POU6F2: variants seen among roughly 807,000 people sequenced by gnomAD.
The protein encoded by POU6F2 is POU domain, class 6, transcription factor 2.
Under a neutral mutation model 71.3 loss-of-function variants are expected in POU6F2, and 31 were observed. The ratio of observed to expected loss-of-function variants is 0.43; its 90% CI spans 0.33 to 0.59. POU6F2 has a LOEUF of 0.59. POU6F2 is among the 20% of genes least tolerant of loss of function. The pLI, the probability that POU6F2 is intolerant of heterozygous loss-of-function variation, is 0.04. For missense variants in POU6F2, 783 were observed against 856.8 expected (o/e 0.91, Z 1.07); for synonymous variants, 347 against 355.7 (o/e 0.98, Z 0.27).
At chr7:39,185,749 G>C (rs1370603143) in intron 2 of POU6F2, among the ~76,000 whole-genome samples, 1 of 151,352 alleles carries the variant, frequency 6.6e-6, no homozygotes, top group African/African-American at 2.4e-5. Flanking sequence ...AAATATTTTT[G>C]GGAATTAGTA....
intron 4 of POU6F2, among the ~76,000 whole-genome samples, chr7:39,257,361 T>C (rs902304487): frequency 1.3e-5 from 2 of 148,792 alleles, no homozygotes; most frequent in Non-Finnish European, 3.0e-5. Flanking sequence ...AATTATTTAA[T>C]ATGCCTTAGA....
intron 5 of POU6F2, among the ~76,000 whole-genome samples, chr7:39,391,766 A>C (rs1308182452): frequency 6.6e-6 from 1 of 152,228 alleles, no homozygotes; most frequent in Admixed American, 6.5e-5. Flanking sequence ...CTTTGCTATA[A>C]CCTTGAAAGC....
At chr7:39,079,438 A>T (rs999760223) in intron 1 of POU6F2, among the ~76,000 whole-genome samples, 1 of 151,902 alleles carries the variant, frequency 6.6e-6, no homozygotes, top group Non-Finnish European at 1.5e-5. Context: ...AGGCCTCCCA[A>T]AGTGCTGGGA....
chr7:39,415,838 T>C (rs1364759056), intron 6 of POU6F2, among the ~76,000 whole-genome samples: 2 of 152,124 alleles, frequency 1.3e-5, no homozygotes, highest in South Asian at 2.1e-4. Flanking sequence ...GCTGCACAAA[T>C]GAGCAAATTC....
intron 5 of POU6F2, among the ~76,000 whole-genome samples, chr7:39,385,876 A>G (rs1275212370): frequency 2.0e-5 from 3 of 152,100 alleles, no homozygotes; most frequent in African/African-American, 7.2e-5. Context: ...AGCTTTAAAG[A>G]ACCAACTTAG....
intron 4 of POU6F2, among the ~76,000 whole-genome samples, chr7:39,213,354 G>T (rs1794180699): frequency 6.6e-6 from 1 of 152,128 alleles, no homozygotes; most frequent in Non-Finnish European, 1.5e-5. Context: ...GGGGATTAGG[G>T]ATTTCATGTG....
intron 2 of POU6F2, among the ~76,000 whole-genome samples, chr7:39,201,125 A>G (rs990582748): frequency 3.3e-5 from 5 of 152,356 alleles, no homozygotes; most frequent in East Asian, 1.9e-4. Context: ...TGAAAGTTAC[A>G]TACATATTAG....
chr7:39,170,727 G>A lies in POU6F2; in HGVS notation c.278-33508G>A, dbSNP rs115072345. The stretch of plus-strand genomic sequence containing the variant: ...TATTATATATTTCAAAGTAGCTAAA[G>A]GAGAAGAATTGTAGTGTTCCCAACG... On this transcript the variant is annotated intron_variant, in intron 2 of 9. Transcript: ENST00000518318. Among the ~76,000 whole-genome samples the A allele has an allele frequency of 9.2e-3, 1,404 of 152,086 alleles. 20 individuals are homozygous for A. Among genetic ancestry groups the A allele is most frequent in the African/African-American group, 0.032 (1,346 of 41,528 alleles).
intron 2 of POU6F2, among the ~76,000 whole-genome samples, chr7:39,165,573 T>C (rs1185167406): frequency 6.6e-6 from 1 of 152,204 alleles, no homozygotes; most frequent in African/African-American, 2.4e-5. Flanking sequence ...GGCTGATCTG[T>C]AACCCTGAAG....
chr7:39,123,671 T>C (rs1327444810), intron 2 of POU6F2, among the ~76,000 whole-genome samples: 1 of 152,220 alleles, frequency 6.6e-6, no homozygotes, highest in Non-Finnish European at 1.5e-5. Context: ...TTGCTCATTT[T>C]CAGGATGTCT....
intron 2 of POU6F2, among the ~76,000 whole-genome samples, chr7:39,130,527 C>G (rs1056590274): frequency 2.6e-5 from 4 of 152,126 alleles, no homozygotes; most frequent in African/African-American, 9.7e-5. Context: ...TTTTATCTCC[C>G]TACACAAAAG....
intron 1 of POU6F2, among the ~76,000 whole-genome samples, chr7:39,038,373 T>C (rs1203354716): frequency 6.6e-6 from 1 of 152,042 alleles, no homozygotes; most frequent in Non-Finnish European, 1.5e-5. Flanking sequence ...CCTATGAACA[T>C]TTAAGGCCTC....
intron 1 of POU6F2, among the ~76,000 whole-genome samples, chr7:39,028,677 T>A (rs933168012): frequency 6.6e-6 from 1 of 152,194 alleles, no homozygotes; most frequent in Non-Finnish European, 1.5e-5. Context: ...TCATGATATA[T>A]CTTCTCATTT....
intron 2 of POU6F2, among the ~76,000 whole-genome samples, chr7:39,095,928 A>G (rs1254397235): frequency 6.6e-6 from 1 of 152,140 alleles, no homozygotes; most frequent in Admixed American, 6.6e-5. Flanking sequence ...GAATATTGCA[A>G]TGTGTGTTGG....
intron 4 of POU6F2, among the ~76,000 whole-genome samples, chr7:39,290,047 TA>T (rs1784722446): frequency 6.6e-6 from 1 of 152,124 alleles, no homozygotes. Context: ...AATGATAAGA[TA>T]AAGCACCATC....
chr7:39,276,337 C>G lies in POU6F2; in HGVS notation c.599-63305C>G, dbSNP rs140980780. On this transcript the variant is annotated intron_variant, in intron 4 of 9. Transcript: ENST00000518318. ...CACTGGCCATCAGAGAAATGCAAAT[C>G]AAAACCACAAAGAGATATCATCTCA... is the stretch of plus-strand genomic sequence containing the variant. 2.7e-3 allele frequency among the ~76,000 whole-genome samples: 418 copies of G among 152,302 alleles called. 4 individuals are homozygous for G. In the East Asian group the frequency reaches 0.046, roughly 17 times the overall value.
intron 8 of POU6F2, among the ~76,000 whole-genome samples, chr7:39,457,003 G>A (rs1402788446): frequency 6.6e-6 from 1 of 152,194 alleles, no homozygotes; most frequent in Non-Finnish European, 1.5e-5. Flanking sequence ...CCACACAACA[G>A]CATCAATGCA....
chr7:39,015,517 A>T lies in POU6F2; in HGVS notation c.105+37459A>T, dbSNP rs1584500003. 6.4e-3 allele frequency among the ~76,000 whole-genome samples: 131 copies of T among 20,580 alleles called. No individual in the cohort carries two copies. In the East Asian group the frequency reaches 0.1, roughly 16 times the overall value. The allele number at this position is 20,580 out of a possible 152,430, so 13.5% of individuals were successfully genotyped here. On this transcript the variant is annotated intron_variant, in intron 1 of 9. Coordinates refer to ENST00000518318, the MANE Select transcript of POU6F2 (RefSeq NM_001370959.1). ...ATATATTATATATTATTATATATAT[A>T]ATATATCTATGTTTTATATAGATAT...
intron 7 of POU6F2, among the ~76,000 whole-genome samples, chr7:39,434,466 A>G (rs1262226271): frequency 6.6e-6 from 1 of 152,034 alleles, no homozygotes; most frequent in African/African-American, 2.4e-5. Context: ...GAGTTAATAT[A>G]TATATGAAGT....
Sources: allele counts gnomAD v4.1 joint callset (sites outside exome capture counted in the v4.1 genomes callset), GRCh38; gene constraint gnomAD v4.1.1; transcripts MANE v1.5; gene names NCBI Gene and HGNC (gene_info 2026-07-23, HGNC 2026-07-21).